Variants in BRD2 observed in about 807,000 individuals in gnomAD.
BRD2 encodes bromodomain containing 2.
In BRD2, 15 loss-of-function variants were observed where a neutral mutation model predicts 79.1. The ratio of observed to expected loss-of-function variants is 0.19; its 90% CI spans 0.13 to 0.29. The LOEUF is 0.29. Ranked by LOEUF, BRD2 falls within the 10% of genes least tolerant of loss-of-function variation. The probability of loss-of-function intolerance (pLI) is 1.00; values close to 1 mark genes in which losing one functional copy is unlikely to be tolerated. For synonymous variants in BRD2, 488 were observed against 358.6 expected, an observed-to-expected ratio of 1.36 and a Z score of -4.08; for missense variants, 1,053 against 991.3, an observed-to-expected ratio of 1.06 and a Z score of -0.84.
chr6:32,969,597 T>C (rs1344254059), intron 1 of BRD2, among the ~76,000 whole-genome samples: 1 of 152,220 alleles, frequency 6.6e-6, no homozygotes, highest in Non-Finnish European at 1.5e-5. Flanking sequence ...GAGGTTACGC[T>C]TCGAGTCGCT....
At chr6:32,970,486 A>C (rs1413111837) in intron 1 of BRD2, 1 of 153,714 alleles carries the variant, frequency 6.5e-6, no homozygotes, top group Non-Finnish European at 1.4e-5. Flanking sequence ...GTTGCAGCTC[A>C]AGGACCTAGG....
intron 10 of BRD2, 137 bp downstream of exon 10, chr6:32,978,525 T>C: frequency 7.0e-7 from 1 of 1,426,038 alleles, no homozygotes; most frequent in Non-Finnish European, 9.4e-7. Flanking sequence ...CCAACCTTTT[T>C]GGCACCAGGG....
chr6:32,977,416 G>C (rs1561948489), intron 7 of BRD2, 26 bp from the exon 8 acceptor site: 1 of 1,613,514 alleles, frequency 6.2e-7, no homozygotes, highest in Non-Finnish European at 8.5e-7. Flanking sequence ...TGCCTGTGCA[G>C]CTTCTGATGC....
At position 32,978,022 on chromosome 6, in the gene BRD2, G is replaced by A. The variant is rs540735041; in HGVS notation, c.1578+17G>A. On this transcript the variant is annotated intron_variant, in intron 9 of 12. Transcript: ENST00000374825. ...CAGGAACAGGTATTTTGTCACTCTT[G>A]AAAGTTTTTATTGGGTAAGAGGTTC... 12 of 1,607,186 alleles carry A rather than the reference G, an allele frequency of 7.5e-6. No individual in the cohort carries two copies. The South Asian group carries it at 9.9e-5, about 13-fold the overall frequency.
intron 10 of BRD2, chr6:32,978,714 C>T (rs1561955778): frequency 1.3e-5 from 5 of 385,630 alleles, no homozygotes; most frequent in Non-Finnish European, 2.3e-5. Flanking sequence ...TCTAATGCTT[C>T]TGCTGATGTG....
Position 32,976,885 on chromosome 6 carries a change from G to A in BRD2, c.1149G>A (p.Leu383=), listed in dbSNP as rs764354255. The part of the protein sequence containing the change: ...YKPVDASALG[L]HDYHDIIKHP... ...CAGTGGATGCTTCTGCACTTGGCCT[G>A]CATGACTACCATGACATCATTAAGC... Residue 383 remains leucine, a synonymous_variant, in exon 7 of 13, where the codon CTG becomes CTA. Coordinates refer to ENST00000374825, the MANE Select transcript of BRD2 (RefSeq NM_005104.4). The A allele has an allele frequency of 5.0e-6, 8 of 1,612,904 alleles. No individual in the cohort carries two copies. Among genetic ancestry groups the A allele is most frequent in the Middle Eastern group, 1.6e-4 (1 of 6,082 alleles).
Position 32,972,517 on chromosome 6 carries a change from A to G in BRD2, c.-382A>G, listed in dbSNP as rs1356794001. The G allele has an allele frequency of 8.8e-6, 3 of 342,330 alleles. No individual in the cohort carries two copies. The East Asian group carries it at 1.7e-4, about 20-fold the overall frequency. The allele number at this position is 342,330 out of a possible 1,614,324, so 21.2% of individuals were successfully genotyped here. On this transcript the variant is annotated 5_prime_UTR_variant, in exon 2 of 13. Coordinates refer to ENST00000374825, the MANE Select transcript of BRD2 (RefSeq NM_005104.4). ...TCATCCGCCTCCATCCGAGATCGAA[A>G]CGGGACCTCGTCGGCCCCGTAGGGG...
In BRD2 at chr6:32,971,812, G is replaced by A. The variant is rs1778015200; in HGVS notation, c.-1087G>A. The A allele has an allele frequency of 1.5e-6, 1 of 646,480 alleles. No individual in the cohort carries two copies. Among genetic ancestry groups the A allele is most frequent in the African/African-American group, 1.8e-5 (1 of 55,292 alleles). 40.0% of individuals were successfully genotyped at this position (646,480 alleles called of 1,614,324 possible). A position where few individuals can be genotyped will look rare whatever the true frequency, so the allele number is the denominator to read the frequency against. ...TGGGAAGACTTTGTTGGAAGGGGAG[G>A]CGGGGAGAGAGTGCTGGAGGCTCTG... On this transcript the variant is annotated 5_prime_UTR_variant, in exon 2 of 13. Coordinates refer to ENST00000374825, the MANE Select transcript of BRD2 (RefSeq NM_005104.4).
chr6:32,969,045 T>G lies in BRD2; in HGVS notation c.-1316T>G, dbSNP rs1438630089. On this transcript the variant is annotated 5_prime_UTR_variant, in exon 1 of 13. Transcript: ENST00000374825. The stretch of plus-strand genomic sequence containing the variant: ...CAACTTTGGAGGCCCCCTGGAAGGC[T>G]TTAGGATCCAGGTGAGAAGGGGCCC... 1 of 408,426 alleles carries G rather than the reference T, an allele frequency of 2.4e-6. No homozygotes were observed. The highest frequency in any genetic ancestry group is 3.7e-5 in the East Asian group (1 of 26,796). 25.3% of individuals were successfully genotyped at this position (408,426 alleles called of 1,614,324 possible).
rs757458588 is a variant in BRD2, at chr6:32,972,046, GTTCC to G, written c.-848_-845del. ...ATAGAAAAAGCTCCCGCGGAGAGGT[GTTCC>G]TTCCCCTTCGACTCAGCTTCTTCAC... On this transcript the variant is annotated 5_prime_UTR_variant, in exon 2 of 13. An upstream open reading frame in the 5' UTR gains an earlier in-frame stop. Coordinates refer to ENST00000374825, the MANE Select transcript of BRD2 (RefSeq NM_005104.4). The G allele has an allele frequency of 3.0e-5, 21 of 701,310 alleles. No homozygotes were observed. Among genetic ancestry groups the G allele is most frequent in the Non-Finnish European group, 4.7e-5 (18 of 384,698 alleles). The allele number at this position is 701,310 out of a possible 1,614,324, so 43.4% of individuals were successfully genotyped here.
Position 32,980,000 on chromosome 6 carries a change from A to T in BRD2, c.2014A>T (p.Arg672Trp). The T allele has an allele frequency of 6.2e-7, 1 of 1,613,198 alleles. No individual in the cohort carries two copies. The highest frequency in any genetic ancestry group is 8.5e-7 in the Non-Finnish European group (1 of 1,180,044). Residue 672 changes from arginine (R) to tryptophan (W), a missense_variant, in exon 11 of 13, where the codon AGG (arginine) becomes TGG (tryptophan). Arg to Trp is a moderately radical substitution (Grantham distance 101). Transcript: ENST00000374825. ...LGRVVHIIQA[R>W]EPSLRDSNPE... ...CCGAGTTGTGCATATAATCCAAGCC[A>T]GGGAGCCCTCTTTACGTGATTCAAA...
At chr6:32,976,520 G>A (rs753936801) in intron 6 of BRD2, 42 bp from the exon 7 acceptor site, 9 of 1,594,646 alleles carry the variant, frequency 5.6e-6, no homozygotes, top group Non-Finnish European at 7.7e-6. Flanking sequence ...TAAGTAAAGT[G>A]GGCTTGGAGT....
rs753437677 is a variant in BRD2, at chr6:32,972,029, A to T, written c.-870A>T. The T allele has an allele frequency of 1.4e-6, 1 of 701,522 alleles. No individual in the cohort carries two copies. The highest frequency in any genetic ancestry group is 2.6e-6 in the Non-Finnish European group (1 of 384,790). The allele number at this position is 701,522 out of a possible 1,614,324, so 43.5% of individuals were successfully genotyped here. A position where few individuals can be genotyped will look rare whatever the true frequency, so the allele number is the denominator to read the frequency against. On this transcript the variant is annotated 5_prime_UTR_variant, in exon 2 of 13. It adds an upstream start codon to the 5' untranslated region. Transcript: ENST00000374825. Reference sequence around the variant, plus strand: ...ATCGTTGCGGCTGGCCAATAGAAAAAGCTCCCGCGGAGAGGTGTTCCTTCC... The same window carrying T: ...ATCGTTGCGGCTGGCCAATAGAAAATGCTCCCGCGGAGAGGTGTTCCTTCC...
intron 4 of BRD2, 139 bp from the exon 5 acceptor site, chr6:32,975,892 T>C (rs1029495890): frequency 3.1e-4 from 327 of 1,070,772 alleles, no homozygotes; most frequent in Non-Finnish European, 3.9e-4. Context: ...GTAGGAAATT[T>C]TCTTTAAGAT....
rs1778838116 is a variant in BRD2, at chr6:32,976,899, A to G, written c.1163A>G (p.Asp388Gly). 2 of 1,612,828 alleles carry G rather than the reference A, an allele frequency of 1.2e-6. No homozygotes were observed. Among genetic ancestry groups the G allele is most frequent in the Non-Finnish European group, 1.7e-6 (2 of 1,179,924 alleles). ...ASALGLHDYH[D>G]IIKHPMDLST... is the part of the protein sequence containing the mutation. ...GCACTTGGCCTGCATGACTACCATGACATCATTAAGCACCCCATGGACCTC... is the reference window on the plus strand; with the variant it reads ...GCACTTGGCCTGCATGACTACCATGGCATCATTAAGCACCCCATGGACCTC... Residue 388 changes from aspartate (D) to glycine (G), a missense_variant, in exon 7 of 13, where the codon GAC becomes GGC. By Grantham distance (94) the Asp-to-Gly change is moderately conservative. This residue lies in a region of BRD2 where 454 missense variants were observed against 430.5 expected (regional missense o/e 1.05). Coordinates refer to ENST00000374825, the MANE Select transcript of BRD2 (RefSeq NM_005104.4).
chr6:32,977,095 T>G (rs1778863174), intron 7 of BRD2, 159 bp downstream of exon 7: 1 of 1,261,114 alleles, frequency 7.9e-7, no homozygotes, highest in African/African-American at 1.5e-5. Flanking sequence ...TTTGAGAATT[T>G]GTATTTCTTG....
Position 32,978,185 on chromosome 6 carries a change from G to C in BRD2, c.1638G>C (p.Lys546Asn), listed in dbSNP as rs35845948. ...ALSQGPISKP[K>N]RKREKKEKKK... ...CCCAGGGTCCAATATCCAAGCCCAA[G>C]AGGAAAAGAGAGAAAAAAGAGAAAA... Residue 546 changes from lysine (K) to asparagine (N), a missense_variant, in exon 10 of 13, where the codon AAG becomes AAC. Lys to Asn is a moderately conservative substitution (Grantham distance 94). Coordinates refer to ENST00000374825, the MANE Select transcript of BRD2 (RefSeq NM_005104.4). 106 of 1,612,850 alleles carry C rather than the reference G, an allele frequency of 6.6e-5. No homozygotes were observed. The highest frequency in any genetic ancestry group is 8.7e-5 in the Non-Finnish European group (103 of 1,180,022).
intron 1 of BRD2, among the ~76,000 whole-genome samples, chr6:32,969,863 C>G (rs1777786558): frequency 6.6e-6 from 1 of 152,154 alleles, no homozygotes; most frequent in Non-Finnish European, 1.5e-5. Flanking sequence ...CCAGGGTGGC[C>G]TCTTCCATCG....
At position 32,972,102 on chromosome 6, in the gene BRD2, A is replaced by T; in HGVS notation, c.-797A>T. 1 of 691,346 alleles carries T rather than the reference A, an allele frequency of 1.4e-6. No individual in the cohort carries two copies. Among genetic ancestry groups the T allele is most frequent in the Non-Finnish European group, 2.6e-6 (1 of 378,984 alleles). 42.8% of individuals were successfully genotyped at this position (691,346 alleles called of 1,614,324 possible). A position where few individuals can be genotyped will look rare whatever the true frequency, so the allele number is the denominator to read the frequency against. On this transcript the variant is annotated 5_prime_UTR_variant, in exon 2 of 13. Transcript: ENST00000374825. ...CGCGTGAGCGAGCGCGCGCGCGCGG[A>T]GGGGGTGGGGAAAAGCTCAAGCAGG...
Sources: allele counts gnomAD v4.1 joint callset (sites outside exome capture counted in the v4.1 genomes callset), GRCh38; gene constraint gnomAD v4.1.1; regional missense constraint gnomAD v4.1.1; transcripts MANE v1.5; gene names NCBI Gene and HGNC (gene_info 2026-07-23, HGNC 2026-07-21).